RERE: variants seen among roughly 807,000 people sequenced by gnomAD.
RERE encodes the protein arginine-glutamic acid dipeptide repeats, also known as arginine-glutamic acid dipeptide repeats protein.
In RERE, 40 loss-of-function variants were observed where a neutral mutation model predicts 146.1. The ratio of observed to expected loss-of-function variants is 0.27; its 90% CI spans 0.21 to 0.36. The LOEUF (loss-of-function observed/expected upper bound fraction) is 0.36, where lower values mean the gene tolerates loss of function less well. RERE is among the 10% of genes least tolerant of loss of function. The pLI is 1.00. For synonymous variants in RERE, 1,003 were observed against 866.0 expected, an observed-to-expected ratio of 1.16 and a Z score of -2.78; for missense variants, 1,933 against 2,138.7, an observed-to-expected ratio of 0.90 and a Z score of 1.90.
chr1:8,607,362 C>CAAA (rs1358829755), intron 4 of RERE, among the ~76,000 whole-genome samples: 163 of 84,096 alleles, frequency 1.9e-3, no homozygotes, highest in African/African-American at 6.3e-3. Context: ...ACCCTGTCTC[C>CAAA]AAAAAAAAAA....
chr1:8,431,973 G>A (rs928484899), intron 11 of RERE, among the ~76,000 whole-genome samples: 7 of 151,944 alleles, frequency 4.6e-5, no homozygotes, highest in Admixed American at 6.6e-5. Context: ...TTTCCTGTTC[G>A]GCATGCTCCT....
chr1:8,654,463 C>T (rs1442705808), intron 2 of RERE, among the ~76,000 whole-genome samples: 1 of 152,128 alleles, frequency 6.6e-6, no homozygotes, highest in Admixed American at 6.5e-5. Flanking sequence ...GGACATAACA[C>T]AGTGAAGTAT....
intron 1 of RERE, among the ~76,000 whole-genome samples, chr1:8,742,741 C>T (rs1188249985): frequency 6.6e-6 from 1 of 151,826 alleles, no homozygotes; most frequent in Admixed American, 6.6e-5. Flanking sequence ...GATGGGGTAT[C>T]CCTGTAGTCC....
intron 12 of RERE, among the ~76,000 whole-genome samples, chr1:8,388,783 T>A (rs1642778239): frequency 6.6e-6 from 1 of 152,254 alleles, no homozygotes; most frequent in Admixed American, 6.5e-5. Flanking sequence ...TAAAGAAAGG[T>A]TTCTCTTCTC....
In RERE at chr1:8,439,996, C is replaced by T. The variant is rs544648878; in HGVS notation, c.1204-17189G>A. ...GGCTGAGGCAGGAGAATTGCTTCAACCCGGGAGGCAGAGGTTGCAGTGAGC... is the reference window on the plus strand; with the variant it reads ...GGCTGAGGCAGGAGAATTGCTTCAATCCGGGAGGCAGAGGTTGCAGTGAGC... On this transcript the variant is annotated intron_variant, in intron 11 of 22. Transcript: ENST00000400908. Among the ~76,000 whole-genome samples, 114 of 152,192 alleles carry T rather than the reference C, an allele frequency of 7.5e-4. 1 individual carries two copies. The highest frequency in any genetic ancestry group is 9.4e-4 in the African/African-American group (39 of 41,516).
At chr1:8,388,591 T>C (rs1192898020) in intron 12 of RERE, among the ~76,000 whole-genome samples, 2 of 151,666 alleles carry the variant, frequency 1.3e-5, no homozygotes, top group Admixed American at 1.3e-4. Context: ...AGTGCTGGGA[T>C]TACAGGCGTG....
intron 2 of RERE, among the ~76,000 whole-genome samples, chr1:8,634,081 C>T (rs1283160802): frequency 6.6e-6 from 1 of 152,176 alleles, no homozygotes; most frequent in Non-Finnish European, 1.5e-5. Context: ...CCTTTTCATT[C>T]AGCAAGCAAA....
chr1:8,813,902 A>T (rs1369131211), intron 1 of RERE, among the ~76,000 whole-genome samples: 14 of 152,252 alleles, frequency 9.2e-5, no homozygotes, highest in Non-Finnish European at 4.4e-5. Flanking sequence ...GGCGTGAGCC[A>T]CCGCACTAGG....
intron 1 of RERE, among the ~76,000 whole-genome samples, chr1:8,765,222 T>A (rs1640824495): frequency 6.6e-6 from 1 of 152,208 alleles, no homozygotes; most frequent in East Asian, 1.9e-4. Context: ...TTGAAAACAT[T>A]ATACTAAGTC....
intron 1 of RERE, among the ~76,000 whole-genome samples, chr1:8,793,019 T>C (rs901361853): frequency 6.6e-6 from 1 of 151,778 alleles, no homozygotes; most frequent in Non-Finnish European, 1.5e-5. Flanking sequence ...TAGCTGGGCA[T>C]GGTGGCGGGC....
At chr1:8,733,691 A>G (rs1569664542) in intron 1 of RERE, among the ~76,000 whole-genome samples, 1 of 152,356 alleles carries the variant, frequency 6.6e-6, no homozygotes, top group Middle Eastern at 3.4e-3. Context: ...CAACCTGAGA[A>G]GGGACCTCAA....
intron 1 of RERE, chr1:8,751,039 T>TA: frequency 1.7e-6 from 1 of 604,694 alleles, no homozygotes; most frequent in Non-Finnish European, 3.0e-6. Context: ...AGGAAGCAAA[T>TA]AACTTCCTGT....
intron 4 of RERE, among the ~76,000 whole-genome samples, chr1:8,584,600 GA>G (rs1457014066): frequency 6.6e-6 from 1 of 152,092 alleles, no homozygotes; most frequent in Non-Finnish European, 1.5e-5. Context: ...AATGACTACA[GA>G]GACAGCTACA....
intron 4 of RERE, among the ~76,000 whole-genome samples, chr1:8,569,881 G>C (rs1399177360): frequency 6.6e-6 from 1 of 151,640 alleles, no homozygotes; most frequent in Non-Finnish European, 1.5e-5. Context: ...GACAGAGCTA[G>C]ACCCTGTCTT....
intron 20 of RERE, among the ~76,000 whole-genome samples, chr1:8,357,722 G>A (rs528501539): frequency 1.4e-4 from 21 of 152,232 alleles, no homozygotes; most frequent in Non-Finnish European, 2.8e-4. Flanking sequence ...GCCCTGGCCA[G>A]GTGGGTCAGC....
intron 1 of RERE, chr1:8,786,088 CCTG>C: frequency 2.3e-6 from 1 of 426,064 alleles, no homozygotes; most frequent in Non-Finnish European, 4.4e-6. Flanking sequence ...CATCAGTCTG[CCTG>C]CTTCCACTCT....
chr1:8,355,630 A>C (rs556131536), intron 21 of RERE, 31 bp from the exon 22 acceptor site: 1 of 1,540,488 alleles, frequency 6.5e-7, no homozygotes, highest in Admixed American at 1.9e-5. Context: ...TGCGCTACAG[A>C]AATAGCCAGA....
chr1:8,609,718 G>T (rs542977893), intron 4 of RERE, among the ~76,000 whole-genome samples: 3 of 152,240 alleles, frequency 2.0e-5, no homozygotes, highest in Admixed American at 1.3e-4. Context: ...ATTTCCAAAA[G>T]AGCATTTTAT....
chr1:8,696,268 C>T (rs1027797319), intron 1 of RERE, among the ~76,000 whole-genome samples: 23 of 152,140 alleles, frequency 1.5e-4, no homozygotes, highest in Non-Finnish European at 2.6e-4. Flanking sequence ...ATACACAATA[C>T]CAAAGACATG....
Sources: allele counts gnomAD v4.1 joint callset (sites outside exome capture counted in the v4.1 genomes callset), GRCh38; gene constraint gnomAD v4.1.1; transcripts MANE v1.5; gene names NCBI Gene and HGNC (gene_info 2026-07-23, HGNC 2026-07-21).